Variants in TOM1L2 observed in about 807,000 individuals in gnomAD.
TOM1L2 encodes the protein target of myb1 like 2 membrane trafficking protein.
Under a neutral mutation model 67.9 loss-of-function variants are expected in TOM1L2, and 31 were observed. That is an observed-to-expected ratio of 0.46 (90% CI 0.34 to 0.62). TOM1L2 has a LOEUF of 0.62. Among genes scored for constraint, TOM1L2 ranks in the 20% least tolerant of loss-of-function variants. TOM1L2 has a pLI of 0.01. For synonymous variants in TOM1L2, 256 were observed against 254.0 expected (o/e 1.01, Z -0.07); for missense variants, 606 against 663.5 (o/e 0.91, Z 0.95).
intron 1 of TOM1L2, among the ~76,000 whole-genome samples, chr17:17,969,354 C>G (rs1195235863): frequency 6.6e-6 from 1 of 152,174 alleles, no homozygotes; most frequent in Non-Finnish European, 1.5e-5. Flanking sequence ...CCACAACCAG[C>G]CTACAGCTGC....
intron 6 of TOM1L2, among the ~76,000 whole-genome samples, chr17:17,881,028 G>A (rs1267483250): frequency 3.3e-5 from 5 of 152,176 alleles, no homozygotes; most frequent in Non-Finnish European, 7.3e-5. Context: ...TCTCCTGTGT[G>A]GGTGGGCTCT....
At chr17:17,871,953 C>T (rs921275787) in intron 7 of TOM1L2, 3 of 984,974 alleles carry the variant, frequency 3.0e-6, no homozygotes, top group African/African-American at 1.7e-5. Flanking sequence ...GAAAACTCCA[C>T]AAAATACCCA....
chr17:17,864,425 T>C (rs2036731111), intron 10 of TOM1L2, among the ~76,000 whole-genome samples: 1 of 151,152 alleles, frequency 6.6e-6, no homozygotes, highest in Non-Finnish European at 1.5e-5. Context: ...CTAGCCAGGA[T>C]GGTCTCGATC....
chr17:17,897,185 G>C (rs1947536305), intron 3 of TOM1L2, among the ~76,000 whole-genome samples: 1 of 152,216 alleles, frequency 6.6e-6, no homozygotes. Context: ...ATATATTAGA[G>C]CTCATTCCCT....
At chr17:17,969,215 C>G (rs1253313235) in intron 1 of TOM1L2, among the ~76,000 whole-genome samples, 1 of 152,050 alleles carries the variant, frequency 6.6e-6, no homozygotes, top group Non-Finnish European at 1.5e-5. Context: ...CACCACCACA[C>G]CCGGCTCATT....
intron 1 of TOM1L2, among the ~76,000 whole-genome samples, chr17:17,953,540 C>T (rs982760576): frequency 6.6e-6 from 1 of 152,178 alleles, no homozygotes; most frequent in African/African-American, 2.4e-5. Context: ...CAAATAGGGA[C>T]CACCATGGGG....
chr17:17,907,720 A>G (rs2039162050), intron 1 of TOM1L2, among the ~76,000 whole-genome samples, 189 bp from the exon 2 acceptor site: 2 of 152,204 alleles, frequency 1.3e-5, no homozygotes, highest in East Asian at 1.9e-4. Flanking sequence ...GGCTGATGTT[A>G]TAACGAGGTT....
At chr17:17,888,717 A>AG (rs1214037331) in intron 4 of TOM1L2, among the ~76,000 whole-genome samples, 1 of 152,064 alleles carries the variant, frequency 6.6e-6, no homozygotes, top group Non-Finnish European at 1.5e-5. Context: ...GGGCATGGGG[A>AG]GGGGGGCTGG....
chr17:17,917,558 C>A (rs961081923), intron 1 of TOM1L2, among the ~76,000 whole-genome samples: 2 of 140,362 alleles, frequency 1.4e-5, no homozygotes, highest in African/African-American at 5.3e-5. Context: ...CTTAGCCTTC[C>A]AAGTAGCTGG....
intron 1 of TOM1L2, among the ~76,000 whole-genome samples, chr17:17,970,787 C>A (rs2042038821): frequency 6.6e-6 from 1 of 152,182 alleles, no homozygotes; most frequent in Admixed American, 6.5e-5. Context: ...GCTAAAATTT[C>A]ATAAGCAAAG....
chr17:17,934,587 T>C (rs1280685271), intron 1 of TOM1L2, among the ~76,000 whole-genome samples: 2 of 152,218 alleles, frequency 1.3e-5, no homozygotes, highest in Admixed American at 1.3e-4. Flanking sequence ...TTTTGTTTTG[T>C]TTAGGGGGAT....
At chr17:17,941,496 C>T (rs574815478) in intron 1 of TOM1L2, among the ~76,000 whole-genome samples, 6 of 152,280 alleles carry the variant, frequency 3.9e-5, no homozygotes, top group African/African-American at 7.2e-5. Flanking sequence ...ATCATCATTA[C>T]GCTGACTCCC....
chr17:17,860,996 A>G lies in TOM1L2; in HGVS notation c.1278+480T>C, dbSNP rs939657412. On this transcript the variant is annotated intron_variant, in intron 12 of 14. Coordinates refer to ENST00000379504, the MANE Select transcript of TOM1L2 (RefSeq NM_001082968.2). The stretch of plus-strand genomic sequence containing the variant: ...TACTGCTCTGCTAGGCCAGTGACAA[A>G]TGGCCATCAGAGATGTGGCTCGGGT... Among the ~76,000 whole-genome samples the G allele has an allele frequency of 3.3e-5, 5 of 152,130 alleles. No individual in the cohort carries two copies. In the East Asian group the frequency reaches 5.8e-4, roughly 18 times the overall value.
chr17:17,951,312 C>T (rs2041198685), intron 1 of TOM1L2, among the ~76,000 whole-genome samples: 1 of 152,146 alleles, frequency 6.6e-6, no homozygotes, highest in Non-Finnish European at 1.5e-5. Flanking sequence ...TTAGAGGAAA[C>T]AGAATCATAC....
chr17:17,953,851 G>A (rs2041313642), intron 1 of TOM1L2, among the ~76,000 whole-genome samples: 2 of 152,208 alleles, frequency 1.3e-5, no homozygotes, highest in African/African-American at 4.8e-5. Flanking sequence ...ACAGTCCCCT[G>A]CACAAGCAGG....
At chr17:17,880,938 C>A (rs1464832118) in intron 6 of TOM1L2, among the ~76,000 whole-genome samples, 1 of 152,218 alleles carries the variant, frequency 6.6e-6, no homozygotes, top group East Asian at 1.9e-4. Context: ...CCCACCCCAT[C>A]CTGAGGTAGA....
At chr17:17,970,029 A>T (rs2042007294) in intron 1 of TOM1L2, among the ~76,000 whole-genome samples, 1 of 151,708 alleles carries the variant, frequency 6.6e-6, no homozygotes, top group Admixed American at 6.6e-5. Context: ...TATATCTCTT[A>T]TATTTGGTTT....
intron 7 of TOM1L2, among the ~76,000 whole-genome samples, chr17:17,874,672 T>G (rs1419880711): frequency 6.6e-6 from 1 of 152,230 alleles, no homozygotes; most frequent in Non-Finnish European, 1.5e-5. Context: ...GGGCACAGAA[T>G]GCAGTGATCT....
intron 11 of TOM1L2, chr17:17,862,484 G>A (rs1240313646): frequency 2.3e-6 from 1 of 442,712 alleles, no homozygotes; most frequent in South Asian, 3.7e-5. Flanking sequence ...CAACTGACAG[G>A]AGAAATCACA....
Sources: allele counts gnomAD v4.1 joint callset (sites outside exome capture counted in the v4.1 genomes callset), GRCh38; gene constraint gnomAD v4.1.1; transcripts MANE v1.5; gene names NCBI Gene and HGNC (gene_info 2026-07-23, HGNC 2026-07-21).